Variants in MRPS6 observed in about 807,000 individuals in gnomAD.
MRPS6 encodes the protein small ribosomal subunit protein bS6m.
Under a neutral mutation model 13.1 loss-of-function variants are expected in MRPS6, and 6 were observed. The ratio of observed to expected loss-of-function variants is 0.46; its 90% CI spans 0.25 to 0.91. The LOEUF is 0.91. Ranked by LOEUF, MRPS6 falls within the 40% of genes least tolerant of loss-of-function variation. The pLI is 0.18. For missense variants in MRPS6, 164 were observed against 155.6 expected, an observed-to-expected ratio of 1.05 and a Z score of -0.29; for synonymous variants, 61 against 56.5, an observed-to-expected ratio of 1.08 and a Z score of -0.36.
At chr21:34,112,490 A>G (rs533774139) in intron 1 of MRPS6, among the ~76,000 whole-genome samples, 2 of 152,194 alleles carry the variant, frequency 1.3e-5, no homozygotes, top group Non-Finnish European at 2.9e-5. Flanking sequence ...TGTACAATCC[A>G]GTGGTTTTTA....
rs141945307 is a variant in MRPS6 at position 34,108,979 on chromosome 21, G to C, written c.46-16362G>C. On this transcript the variant is annotated intron_variant, in intron 1 of 2. Coordinates refer to ENST00000399312, the MANE Select transcript of MRPS6 (RefSeq NM_032476.4). ...GTTTAGCTCTTGGACCTCCTGGACT[G>C]GTACACTTGGTTTCATGCCTTTGCT... 5.3e-5 allele frequency among the ~76,000 whole-genome samples: 8 copies of C among 152,156 alleles called. No individual in the cohort carries two copies. In the East Asian group the frequency reaches 1.5e-3, roughly 29 times the overall value.
intron 1 of MRPS6, among the ~76,000 whole-genome samples, chr21:34,082,820 G>A (rs999395269): frequency 2.6e-5 from 4 of 152,046 alleles, no homozygotes; most frequent in African/African-American, 9.7e-5. Flanking sequence ...TCTTACGTAC[G>A]TTTTGGCCCA....
At position 34,096,194 on chromosome 21, in the gene MRPS6, C is replaced by T; in HGVS notation, c.45+22449C>T. 2 of 1,614,180 alleles carry T rather than the reference C, an allele frequency of 1.2e-6. No individual in the cohort carries two copies. Among genetic ancestry groups the T allele is most frequent in the Non-Finnish European group, 8.5e-7 (1 of 1,180,008 alleles). ...TTACTGATGATATAGCTTGCATCAA[C>T]CCAGAGCACTGCATGCTGGTGTGTG... On this transcript the variant is annotated intron_variant, in intron 1 of 2. Coordinates refer to ENST00000399312, the MANE Select transcript of MRPS6 (RefSeq NM_032476.4). This position sits in a 1 kb window ranked among gnomAD's most constrained non-coding sequence, Gnocchi z 5.9.
chr21:34,104,122 T>C (rs561879090), intron 1 of MRPS6: 1 of 999,884 alleles, frequency 1.0e-6, no homozygotes, highest in South Asian at 4.7e-5. Context: ...TGAAGTTACC[T>C]TTATTTTTTT....
intron 1 of MRPS6, among the ~76,000 whole-genome samples, chr21:34,077,498 G>A (rs1377507581): frequency 3.3e-5 from 5 of 152,080 alleles, no homozygotes; most frequent in Admixed American, 2.6e-4. Context: ...TTTACATGAA[G>A]AATTAAAGGT....
chr21:34,089,831 TGAG>T (rs1392418393), intron 1 of MRPS6, among the ~76,000 whole-genome samples: 1 of 152,170 alleles, frequency 6.6e-6, no homozygotes, highest in Non-Finnish European at 1.5e-5. Flanking sequence ...TTTAAAAACT[TGAG>T]GGTGCAAGTT....
intron 1 of MRPS6, among the ~76,000 whole-genome samples, chr21:34,086,370 C>CTT (rs1252518759): frequency 6.6e-6 from 1 of 152,124 alleles, no homozygotes; most frequent in Admixed American, 6.5e-5. Context: ...CCCCAGCAGC[C>CTT]TTTCTCCTGA....
In MRPS6 at chr21:34,142,689, AT is replaced by A; in HGVS notation, c.*90del. The A allele has an allele frequency of 5.7e-6, 8 of 1,403,308 alleles. No individual in the cohort carries two copies. Among genetic ancestry groups the A allele is most frequent in the Non-Finnish European group, 7.5e-6 (8 of 1,072,380 alleles). The allele number at this position is 1,403,308 out of a possible 1,614,324, so 86.9% of individuals were successfully genotyped here. A position where few individuals can be genotyped will look rare whatever the true frequency, so the allele number is the denominator to read the frequency against. The stretch of plus-strand genomic sequence containing the variant: ...GGAAGAATTTGCAAGTTTGGCCTTT[AT>A]ATAAGCATGTGTTGCAGGTGCTGTT... On this transcript the variant is annotated 3_prime_UTR_variant, in exon 3 of 3. Coordinates refer to ENST00000399312, the MANE Select transcript of MRPS6 (RefSeq NM_032476.4).
chr21:34,126,039 T>A (rs1357000005), intron 2 of MRPS6, among the ~76,000 whole-genome samples: 3 of 152,232 alleles, frequency 2.0e-5, no homozygotes, highest in African/African-American at 7.2e-5. Context: ...GTAGAAGTTC[T>A]TGGAGAACAA....
chr21:34,084,598 A>G (rs1989530469), intron 1 of MRPS6, among the ~76,000 whole-genome samples: 1 of 152,214 alleles, frequency 6.6e-6, no homozygotes, highest in African/African-American at 2.4e-5. Context: ...ACACATATGT[A>G]CAATTCTCTT....
intron 1 of MRPS6, among the ~76,000 whole-genome samples, chr21:34,091,405 A>G (rs1862215873): frequency 6.6e-6 from 1 of 152,016 alleles, no homozygotes; most frequent in African/African-American, 2.4e-5. Context: ...TGCTGTTTAC[A>G]TATAGTTCCA....
chr21:34,125,573 T>C lies in MRPS6; in HGVS notation c.185+93T>C, dbSNP rs543543206. Reference sequence around the variant, plus strand: ...TATTAGAAGTTCTTAAAATTTCACATTGAGACCCCTGTTGCGCCTAGGTGT... The same window carrying C: ...TATTAGAAGTTCTTAAAATTTCACACTGAGACCCCTGTTGCGCCTAGGTGT... On this transcript the variant is annotated intron_variant, in intron 2 of 2. Transcript: ENST00000399312. The C allele has an allele frequency of 9.9e-4, 1,513 of 1,533,230 alleles. 1 individual carries two copies. The highest frequency in any genetic ancestry group is 1.2e-3 in the Non-Finnish European group (1,418 of 1,141,526). The allele number at this position is 1,533,230 out of a possible 1,614,324, so 95.0% of individuals were successfully genotyped here.
chr21:34,103,770 T>G, intron 1 of MRPS6: 1 of 1,000,076 alleles, frequency 1.0e-6, no homozygotes, highest in African/African-American at 1.7e-5. Flanking sequence ...AAAGGAATAA[T>G]CTCAATAAGT....
At chr21:34,100,517 G>C (rs757759386) in intron 1 of MRPS6, 120 of 1,000,064 alleles carry the variant, frequency 1.2e-4, no homozygotes, top group Non-Finnish European at 1.3e-4. Flanking sequence ...TCATCTCCTA[G>C]GGCTTCCTTT....
At chr21:34,116,286 G>A (rs1455710730) in intron 1 of MRPS6, among the ~76,000 whole-genome samples, 1 of 149,180 alleles carries the variant, frequency 6.7e-6, no homozygotes, top group Non-Finnish European at 1.5e-5. Context: ...GGGCTCAAGC[G>A]ATCTGCCTGC....
intron 1 of MRPS6, among the ~76,000 whole-genome samples, chr21:34,089,238 G>A (rs1978558311): frequency 6.6e-6 from 1 of 151,866 alleles, no homozygotes; most frequent in Non-Finnish European, 1.5e-5. Context: ...GGCAGGTCTC[G>A]AACTCCTGGC....
In MRPS6 at chr21:34,073,787, C is replaced by T. The variant is rs748222180; in HGVS notation, c.45+42C>T. On this transcript the variant is annotated intron_variant, in intron 1 of 2. Coordinates refer to ENST00000399312, the MANE Select transcript of MRPS6 (RefSeq NM_032476.4). ...CAGAGCCGGTCTTCCCGCGCGGGCG[C>T]CCCCGCTGCCGCTAGGCCGCCGTCC... The T allele has an allele frequency of 8.0e-5, 114 of 1,418,134 alleles. 1 individual carries two copies. In the South Asian group the frequency reaches 8.1e-4, roughly 10 times the overall value. The allele number at this position is 1,418,134 out of a possible 1,614,324, so 87.8% of individuals were successfully genotyped here. A position where few individuals can be genotyped will look rare whatever the true frequency, so the allele number is the denominator to read the frequency against.
intron 1 of MRPS6, chr21:34,099,680 C>T (rs1265791747): frequency 8.0e-6 from 8 of 997,598 alleles, no homozygotes; most frequent in Non-Finnish European, 9.6e-6. Context: ...TCTTTCTGCT[C>T]TTGTCTTAGT....
chr21:34,136,428 G>T (rs115710958), intron 2 of MRPS6, among the ~76,000 whole-genome samples: 2,553 of 152,320 alleles, frequency 0.017, 82 homozygotes, highest in African/African-American at 0.057. Flanking sequence ...GATTACAGGC[G>T]TGAGCCACCA....
Sources: gnomAD v4.1 joint callset for allele counts (sites outside exome capture counted in the v4.1 genomes callset) on GRCh38, gnomAD v4.1.1 for gene constraint, Gnocchi (gnomAD v3.1) non-coding constraint, MANE v1.5 for transcripts, NCBI Gene and HGNC (gene_info 2026-07-23, HGNC 2026-07-21) for gene names.